JAZF1: variants seen among roughly 807,000 people sequenced by gnomAD.
The protein encoded by JAZF1 is juxtaposed with another zinc finger protein 1.
In JAZF1, 8 loss-of-function variants were observed where a neutral mutation model predicts 26.4. The ratio of observed to expected loss-of-function variants is 0.30; its 90% CI spans 0.18 to 0.55. The LOEUF is 0.55. Ranked by LOEUF, JAZF1 falls within the 20% of genes least tolerant of loss-of-function variation. The pLI is 0.94. For missense variants in JAZF1, 199 were observed against 322.0 expected (o/e 0.62, Z 2.92); for synonymous variants, 126 against 122.3 (o/e 1.03, Z -0.20).
chr7:28,126,033 A>G (rs1240380056), intron 1 of JAZF1, among the ~76,000 whole-genome samples: 1 of 152,222 alleles, frequency 6.6e-6, no homozygotes, highest in Non-Finnish European at 1.5e-5. Context: ...CAAATAAGGC[A>G]GCCTTCCTCA....
intron 1 of JAZF1, among the ~76,000 whole-genome samples, chr7:28,136,075 T>C (rs1481720792): frequency 1.3e-5 from 2 of 152,214 alleles, no homozygotes; most frequent in Non-Finnish European, 2.9e-5. Context: ...ACTGCCAATC[T>C]ACAACGCTGC....
chr7:28,157,904 T>C (rs1783212933), intron 1 of JAZF1, among the ~76,000 whole-genome samples: 1 of 151,914 alleles, frequency 6.6e-6, no homozygotes, highest in Non-Finnish European at 1.5e-5. Context: ...TAATCCCCGA[T>C]GTAAGCTTAA....
chr7:28,158,687 A>G (rs1783231166), intron 1 of JAZF1, among the ~76,000 whole-genome samples: 1 of 152,218 alleles, frequency 6.6e-6, no homozygotes, highest in African/African-American at 2.4e-5. Flanking sequence ...TGCGGGTCTC[A>G]TAGGGTGACT....
intron 1 of JAZF1, among the ~76,000 whole-genome samples, chr7:28,138,916 T>C (rs559635729): frequency 2.2e-4 from 34 of 152,312 alleles, no homozygotes; most frequent in African/African-American, 7.9e-4. Context: ...TGAGATAACA[T>C]ACATGACAGT....
At chr7:28,122,910 T>C (rs113143038) in intron 1 of JAZF1, among the ~76,000 whole-genome samples, 5 of 152,182 alleles carry the variant, frequency 3.3e-5, no homozygotes, top group Admixed American at 2.0e-4. Flanking sequence ...TCAGCCTCGA[T>C]GAAATTCTCA....
At chr7:28,039,643 T>C (rs905707564) in intron 1 of JAZF1, among the ~76,000 whole-genome samples, 13 of 152,224 alleles carry the variant, frequency 8.5e-5, no homozygotes, top group African/African-American at 3.1e-4. Context: ...GGACCCATTC[T>C]CAACTCTGAA....
At chr7:28,006,909 A>G (rs750149310) in intron 1 of JAZF1, among the ~76,000 whole-genome samples, 1 of 152,140 alleles carries the variant, frequency 6.6e-6, no homozygotes, top group Admixed American at 6.5e-5. Context: ...ATGAACATGG[A>G]TTTTTTATGA....
intron 2 of JAZF1, among the ~76,000 whole-genome samples, chr7:27,973,018 A>T (rs1356256897): frequency 2.0e-5 from 3 of 151,880 alleles, no homozygotes; most frequent in Admixed American, 6.6e-5. Flanking sequence ...AATTTTATTT[A>T]AAAAATGTTA....
intron 2 of JAZF1, among the ~76,000 whole-genome samples, chr7:27,920,112 A>G (rs1244846877): frequency 6.6e-6 from 1 of 152,204 alleles, no homozygotes; most frequent in East Asian, 1.9e-4. Context: ...ATCCAATATT[A>G]AAGGCACTAT....
chr7:28,049,363 C>T (rs907716775), intron 1 of JAZF1, among the ~76,000 whole-genome samples: 7 of 151,942 alleles, frequency 4.6e-5, no homozygotes, highest in African/African-American at 1.7e-4. Context: ...GGATTACAGG[C>T]GTGAGCCACC....
chr7:28,161,513 A>G (rs1431877790), intron 1 of JAZF1, among the ~76,000 whole-genome samples: 1 of 152,166 alleles, frequency 6.6e-6, no homozygotes, highest in Non-Finnish European at 1.5e-5. Context: ...CTTGTTATTA[A>G]GGAAGTACAG....
chr7:27,967,789 C>G (rs1785304040), intron 2 of JAZF1, among the ~76,000 whole-genome samples: 1 of 152,168 alleles, frequency 6.6e-6, no homozygotes, highest in Non-Finnish European at 1.5e-5. Flanking sequence ...ACAAGAATGA[C>G]TAAAACTGAA....
At chr7:28,154,390 T>C (rs1251421536) in intron 1 of JAZF1, among the ~76,000 whole-genome samples, 1 of 152,220 alleles carries the variant, frequency 6.6e-6, no homozygotes, top group Non-Finnish European at 1.5e-5. Flanking sequence ...AGACCACTAA[T>C]GACTCTTCTA....
intron 1 of JAZF1, among the ~76,000 whole-genome samples, chr7:28,078,170 GA>G (rs1784084015): frequency 6.6e-6 from 1 of 152,180 alleles, no homozygotes; most frequent in African/African-American, 2.4e-5. Context: ...TGTACATTAG[GA>G]AGTCACTCGT....
At chr7:27,960,168 T>C (rs1302202464) in intron 2 of JAZF1, among the ~76,000 whole-genome samples, 1 of 152,224 alleles carries the variant, frequency 6.6e-6, no homozygotes, top group East Asian at 1.9e-4. Flanking sequence ...CATGAAATCT[T>C]CCCAGTTAGA....
intron 1 of JAZF1, among the ~76,000 whole-genome samples, chr7:28,092,416 A>G (rs1784317574): frequency 6.6e-6 from 1 of 151,386 alleles, no homozygotes; most frequent in African/African-American, 2.4e-5. Flanking sequence ...TTTAGTTAAA[A>G]TACACGGTTG....
chr7:27,979,405 T>TTTTTTTTTTTTTTTTTTTTTC lies in JAZF1; in HGVS notation c.188+12503_188+12504insGAAAAAAAAAAAAAAAAAAAA, dbSNP rs1368873651. Among the ~76,000 whole-genome samples the TTTTTTTTTTTTTTTTTTTTTC allele has an allele frequency of 3.6e-5, 3 of 84,190 alleles. 1 individual carries two copies. Among genetic ancestry groups the TTTTTTTTTTTTTTTTTTTTTC allele is most frequent in the Admixed American group, 3.0e-4 (2 of 6,642 alleles). The allele number at this position is 84,190 out of a possible 152,430, so 55.2% of individuals were successfully genotyped here. On this transcript the variant is annotated intron_variant, in intron 2 of 4. Transcript: ENST00000283928. ...TTTTTTTTTTTTTTTTTTTTTTTTTTAGAAACAGAGTCTTGTTCTATCACC... is the reference window on the plus strand; with the variant it reads ...TTTTTTTTTTTTTTTTTTTTTTTTTTTTTTTTTTTTTTTTTTTTTTCAGAAACAGAGTCTTGTTCTATCACC...
At chr7:27,842,599 C>G (rs753799452) in intron 3 of JAZF1, 1 of 152,060 alleles carries the variant, frequency 6.6e-6, no homozygotes, top group Non-Finnish European at 1.5e-5. Context: ...TAAAGAGAGC[C>G]GGTTTGGAAA....
chr7:27,899,858 G>C (rs1784138606), intron 2 of JAZF1, among the ~76,000 whole-genome samples: 1 of 152,170 alleles, frequency 6.6e-6, no homozygotes, highest in South Asian at 2.1e-4. Context: ...GGCAGAGCTG[G>C]CATCAGGGCC....
Sources: gnomAD v4.1 joint callset for allele counts (sites outside exome capture counted in the v4.1 genomes callset) on GRCh38, gnomAD v4.1.1 for gene constraint, MANE v1.5 for transcripts, NCBI Gene and HGNC (gene_info 2026-07-23, HGNC 2026-07-21) for gene names.